ADGRB3: variants seen among roughly 807,000 people sequenced by gnomAD.
ADGRB3 encodes adhesion G protein-coupled receptor B3.
In ADGRB3, 37 loss-of-function variants were observed where a neutral mutation model predicts 193.4. The observed-to-expected ratio is 0.19, with a 90% CI of 0.15 to 0.25. The LOEUF is 0.25. Among genes scored for constraint, ADGRB3 ranks in the 10% least tolerant of loss-of-function variants. ADGRB3 has a pLI of 1.00. For missense variants in ADGRB3, 1,637 were observed against 1,852.9 expected, an observed-to-expected ratio of 0.88 and a Z score of 2.14; for synonymous variants, 690 against 644.2, an observed-to-expected ratio of 1.07 and a Z score of -1.08.
intron 3 of ADGRB3, among the ~76,000 whole-genome samples, chr6:68,680,172 A>G (rs930190755): frequency 4.6e-5 from 7 of 152,178 alleles, no homozygotes; most frequent in Non-Finnish European, 7.4e-5. Context: ...TCTGTCATGA[A>G]TAAACAACCC....
chr6:68,697,915 T>C (rs1765182548), intron 3 of ADGRB3, among the ~76,000 whole-genome samples: 1 of 151,634 alleles, frequency 6.6e-6, no homozygotes, highest in Admixed American at 6.6e-5. Context: ...ATTATATTTC[T>C]TCATCTGTAA....
chr6:68,862,135 C>G (rs1006524546), intron 3 of ADGRB3, among the ~76,000 whole-genome samples: 1 of 141,266 alleles, frequency 7.1e-6, no homozygotes, highest in Non-Finnish European at 1.5e-5. Context: ...GGAGGGACCC[C>G]CCCCCCCACC....
intron 17 of ADGRB3, among the ~76,000 whole-genome samples, chr6:69,116,110 G>A (rs1009003174): frequency 2.6e-5 from 4 of 152,202 alleles, no homozygotes; most frequent in African/African-American, 9.6e-5. Flanking sequence ...CTATGTTACA[G>A]TTGTCAGGCA....
intron 3 of ADGRB3, among the ~76,000 whole-genome samples, chr6:68,807,498 C>T (rs928245154): frequency 1.3e-5 from 2 of 151,884 alleles, no homozygotes; most frequent in African/African-American, 4.8e-5. Context: ...CCTCAGCCTC[C>T]CAAAGTGCTG....
At chr6:69,242,086 C>A (rs1482529722) in intron 20 of ADGRB3, among the ~76,000 whole-genome samples, 1 of 151,674 alleles carries the variant, frequency 6.6e-6, no homozygotes, top group Non-Finnish European at 1.5e-5. Flanking sequence ...TAGATGGACT[C>A]TATTTGTATT....
chr6:69,138,230 C>G (rs980794455), intron 17 of ADGRB3, among the ~76,000 whole-genome samples: 1 of 152,200 alleles, frequency 6.6e-6, no homozygotes, highest in Non-Finnish European at 1.5e-5. Flanking sequence ...GCCACATCCA[C>G]TTTATTCAAC....
At chr6:68,929,992 A>G (rs1174962775) in intron 3 of ADGRB3, among the ~76,000 whole-genome samples, 1 of 151,918 alleles carries the variant, frequency 6.6e-6, no homozygotes, top group Admixed American at 6.6e-5. Flanking sequence ...CAGGGAAGGA[A>G]ATAATGAGAA....
intron 3 of ADGRB3, among the ~76,000 whole-genome samples, chr6:68,684,281 A>G (rs1402911318): frequency 6.6e-6 from 1 of 151,926 alleles, no homozygotes; most frequent in Non-Finnish European, 1.5e-5. Context: ...TTACATATTG[A>G]TCTGAATGTT....
intron 13 of ADGRB3, among the ~76,000 whole-genome samples, chr6:69,047,001 A>T (rs1771255602): frequency 6.6e-6 from 1 of 152,010 alleles, no homozygotes. Flanking sequence ...GGGACTACAG[A>T]TGCCCACCAC....
At position 68,704,959 on chromosome 6, in the gene ADGRB3, C is replaced by T. The variant is rs182344467; in HGVS notation, c.757+65527C>T. Reference sequence around the variant, plus strand: ...TTATAATTAAATATTTAGAGAAATACTGGGAAAATATTTTTTAAATTACAA... The same window carrying T: ...TTATAATTAAATATTTAGAGAAATATTGGGAAAATATTTTTTAAATTACAA... On this transcript the variant is annotated intron_variant, in intron 3 of 31. Coordinates refer to ENST00000370598, the MANE Select transcript of ADGRB3 (RefSeq NM_001704.3). Among the ~76,000 whole-genome samples the T allele has an allele frequency of 2.5e-3, 388 of 152,166 alleles. 2 individuals are homozygous for T. The highest frequency in any genetic ancestry group is 8.2e-3 in the African/African-American group (340 of 41,530).
At position 69,163,703 on chromosome 6, in the gene ADGRB3, A is replaced by G. The variant is rs545072215; in HGVS notation, c.2481-69587A>G. 2.0e-5 allele frequency among the ~76,000 whole-genome samples: 3 copies of G among 152,230 alleles called. No individual in the cohort carries two copies. The South Asian group carries it at 6.2e-4, about 32-fold the overall frequency. ...GCTGGTTGAATTGTAAATACTGTAC[A>G]ACCCTTTCAAGGTAGAGTCCCTAGG... is the stretch of plus-strand genomic sequence containing the variant. On this transcript the variant is annotated intron_variant, in intron 17 of 31. Coordinates refer to ENST00000370598, the MANE Select transcript of ADGRB3 (RefSeq NM_001704.3).
At chr6:69,024,440 C>A (rs530519501) in intron 13 of ADGRB3, among the ~76,000 whole-genome samples, 66 of 152,102 alleles carry the variant, frequency 4.3e-4, no homozygotes, top group Middle Eastern at 3.4e-3. Flanking sequence ...TGGATTACAC[C>A]CATAAAATTT....
intron 8 of ADGRB3, among the ~76,000 whole-genome samples, chr6:68,959,638 A>G (rs955558539): frequency 6.6e-6 from 1 of 152,074 alleles, no homozygotes; most frequent in African/African-American, 2.4e-5. Flanking sequence ...AAATAAAACT[A>G]TTTTCCCCTC....
At chr6:69,167,187 A>G (rs1334019054) in intron 17 of ADGRB3, among the ~76,000 whole-genome samples, 1 of 152,124 alleles carries the variant, frequency 6.6e-6, no homozygotes, top group African/African-American at 2.4e-5. Context: ...CTGTTTGCAA[A>G]CTGTATAGAT....
At chr6:68,936,483 A>T (rs368866007) in intron 4 of ADGRB3, 36 bp from the exon 5 acceptor site, 1 of 1,598,188 alleles carries the variant, frequency 6.3e-7, no homozygotes, top group Non-Finnish European at 8.6e-7. Context: ...AATACTTAAG[A>T]CAGTATTTCA....
intron 17 of ADGRB3, among the ~76,000 whole-genome samples, chr6:69,144,906 T>TCTTTCTTTCTTTCTTA (rs1774441944): frequency 6.6e-6 from 1 of 151,830 alleles, no homozygotes; most frequent in African/African-American, 2.4e-5. Context: ...TTTCTTTCTT[T>TCTTTCTTTCTTTCTTA]CTTTCTTTCT....
chr6:68,639,258 A>C lies in ADGRB3; in HGVS notation c.583A>C (p.Lys195Gln). ...AGAATCATGTGGGATCATGTATACA[A>C]AATGCACCTGCCCTCAGCATTTGGG... ...RTESCGIMYT[K>Q]CTCPQHLGEW... Residue 195 changes from lysine to glutamine, a missense_variant, in exon 3 of 32, where the codon AAA becomes CAA. Around this residue, in one of 7 missense-constraint regions of ADGRB3, gnomAD observed 365 missense variants for 409.8 expected, o/e 0.89. Coordinates refer to ENST00000370598, the MANE Select transcript of ADGRB3 (RefSeq NM_001704.3). The C allele has an allele frequency of 6.2e-7, 1 of 1,614,166 alleles. No homozygotes were observed.
intron 26 of ADGRB3, among the ~76,000 whole-genome samples, chr6:69,348,584 C>A (rs564826467): frequency 1.3e-5 from 2 of 151,508 alleles, no homozygotes; most frequent in South Asian, 2.1e-4. Flanking sequence ...ATCACTTGAA[C>A]CCAGGAGGTG....
At chr6:69,366,979 A>G (rs1484376933) in intron 29 of ADGRB3, among the ~76,000 whole-genome samples, 1 of 152,120 alleles carries the variant, frequency 6.6e-6, no homozygotes, top group East Asian at 1.9e-4. Flanking sequence ...CATTAAACCA[A>G]TGAATGAAAT....
Sources: gnomAD v4.1 joint callset for allele counts (sites outside exome capture counted in the v4.1 genomes callset) on GRCh38, gnomAD v4.1.1 for gene constraint, gnomAD v4.1.1 regional missense constraint, MANE v1.5 for transcripts, NCBI Gene and HGNC (gene_info 2026-07-23, HGNC 2026-07-21) for gene names.